The following PUM1 variants were observed in gnomAD, a reference collection of about 807,000 sequenced individuals.
PUM1 encodes the protein pumilio homolog 1.
PUM1 carries 13 observed loss-of-function variants against 131.8 expected under a neutral mutation model. The observed-to-expected ratio is 0.10, with a 90% CI of 0.06 to 0.16. The LOEUF (loss-of-function observed/expected upper bound fraction) is 0.16, where lower values mean the gene tolerates loss of function less well. Ranked by LOEUF, PUM1 falls within the 10% of genes least tolerant of loss-of-function variation. The pLI is 1.00. For missense variants in PUM1, 961 were observed against 1,512.4 expected (o/e 0.64, Z 6.05); for synonymous variants, 509 against 556.5 (o/e 0.91, Z 1.20).
In PUM1 at chr1:30,946,624, G is replaced by A. The variant is rs1253251734; in HGVS notation, c.2857-1141C>T. 4.0e-5 allele frequency among the ~76,000 whole-genome samples: 5 copies of A among 125,136 alleles called. No individual in the cohort carries two copies. In the South Asian group the frequency reaches 8.5e-4, roughly 21 times the overall value. 82.1% of individuals were successfully genotyped at this position (125,136 alleles called of 152,430 possible). On this transcript the variant is annotated intron_variant, in intron 17 of 21. Coordinates refer to ENST00000426105, the MANE Select transcript of PUM1 (RefSeq NM_001020658.2). ...TGCACTCCAGCCTGAGCGACAGAGC[G>A]AGACTCTGTCTCAAAAAAAAAAAAA... is the stretch of plus-strand genomic sequence containing the variant.
chr1:30,965,466 C>T (rs891125806), intron 13 of PUM1, among the ~76,000 whole-genome samples: 2 of 152,184 alleles, frequency 1.3e-5, no homozygotes, highest in African/African-American at 2.4e-5. Flanking sequence ...TCCCATTATT[C>T]ACCATACTAC....
At chr1:30,937,762 T>C (rs1279173705) in intron 20 of PUM1, among the ~76,000 whole-genome samples, 1 of 152,100 alleles carries the variant, frequency 6.6e-6, no homozygotes, top group African/African-American at 2.4e-5. Flanking sequence ...TTCAGACATT[T>C]ATTTTTTATT....
At chr1:31,049,070 T>G (rs1320018270) in intron 2 of PUM1, among the ~76,000 whole-genome samples, 1 of 151,280 alleles carries the variant, frequency 6.6e-6, no homozygotes, top group Admixed American at 6.6e-5. Flanking sequence ...GCTGGCATGA[T>G]GGCACATGCC....
intron 1 of PUM1, among the ~76,000 whole-genome samples, chr1:31,060,888 TAAA>T (rs879564618): frequency 2.2e-5 from 3 of 136,146 alleles, no homozygotes; most frequent in Non-Finnish European, 3.2e-5. Flanking sequence ...TCTGTTTCAG[TAAA>T]AAAAAAAAAA....
At chr1:30,974,927 T>C in intron 9 of PUM1, 125 bp from the exon 10 acceptor site, 1 of 668,894 alleles carries the variant, frequency 1.5e-6, no homozygotes, top group African/African-American at 1.8e-5. Context: ...TATATTAATT[T>C]ATGCTAGCTA....
chr1:31,042,173 G>A (rs1427674361), intron 2 of PUM1, among the ~76,000 whole-genome samples: 1 of 152,010 alleles, frequency 6.6e-6, no homozygotes, highest in African/African-American at 2.4e-5. Context: ...AAGCATGGTG[G>A]TGCATCCCTG....
intron 2 of PUM1, among the ~76,000 whole-genome samples, chr1:31,031,038 T>C (rs925682622): frequency 6.6e-6 from 1 of 152,202 alleles, no homozygotes; most frequent in Non-Finnish European, 1.5e-5. Flanking sequence ...GGAGCTATGA[T>C]CATTTTACAT....
At chr1:31,004,612 A>G (rs899959242) in intron 5 of PUM1, among the ~76,000 whole-genome samples, 1 of 152,214 alleles carries the variant, frequency 6.6e-6, no homozygotes, top group Non-Finnish European at 1.5e-5. Flanking sequence ...AACCTGACCT[A>G]GGTCTCTGCA....
In PUM1 at chr1:31,005,969, T is replaced by C; in HGVS notation, c.604A>G (p.Ser202Gly). 1.2e-6 allele frequency: 2 copies of C among 1,613,574 alleles called. No individual in the cohort carries two copies. The highest frequency in any genetic ancestry group is 2.2e-5 in the South Asian group (2 of 90,968). ...GGGGACAGTACAGAATTGACCTCAC[T>C]GTTCACATGGAAACTCTGACCAGGT... ...RRPGQSFHVN[S>G]EVNSVLSPRS... The change falls in exon 5 of 22, where the codon AGT (serine) becomes GGT (glycine). Residue 202 changes from serine to glycine, a missense_variant. Physicochemically the swap from Ser to Gly is moderately conservative, Grantham distance 56 (BLOSUM62 0). This residue lies in a region of PUM1 where 654 missense variants were observed against 923.9 expected (regional missense o/e 0.71). Coordinates refer to ENST00000426105, the MANE Select transcript of PUM1 (RefSeq NM_001020658.2).
chr1:31,000,187 G>A (rs1250814837), intron 5 of PUM1, among the ~76,000 whole-genome samples: 1 of 152,216 alleles, frequency 6.6e-6, no homozygotes, highest in Non-Finnish European at 1.5e-5. Flanking sequence ...GGCATGGTTT[G>A]TGATTTGCTT....
intron 3 of PUM1, among the ~76,000 whole-genome samples, chr1:31,022,424 C>A (rs1643062057): frequency 6.6e-6 from 1 of 152,202 alleles, no homozygotes; most frequent in South Asian, 2.1e-4. Context: ...TTCAAACATT[C>A]CAAGACAGCT....
At chr1:30,959,779 C>T (rs566188801) in intron 14 of PUM1, among the ~76,000 whole-genome samples, 16 of 151,758 alleles carry the variant, frequency 1.1e-4, no homozygotes, top group Non-Finnish European at 1.5e-4. Flanking sequence ...TGGTGGTGGG[C>T]GCCTATAGTC....
At chr1:31,005,714 T>C in intron 5 of PUM1, 139 bp downstream of exon 5, 1 of 789,642 alleles carries the variant, frequency 1.3e-6, no homozygotes. Flanking sequence ...CAACAAACGT[T>C]GTTTGAAAAT....
rs191338958 is a variant in PUM1, at chr1:30,953,388, T to A, written c.2591+326A>T. On this transcript the variant is annotated intron_variant, in intron 15 of 21. Coordinates refer to ENST00000426105, the MANE Select transcript of PUM1 (RefSeq NM_001020658.2). Reference sequence around the variant, plus strand: ...AATAGTTTCTTCTCTCGTCTCTACATAGACTGTCACTTCTACAGAGTGGAA... The same window carrying A: ...AATAGTTTCTTCTCTCGTCTCTACAAAGACTGTCACTTCTACAGAGTGGAA... 3.3e-5 allele frequency among the ~76,000 whole-genome samples: 5 copies of A among 152,314 alleles called. No individual in the cohort carries two copies. The East Asian group carries it at 9.6e-4, about 29-fold the overall frequency.
intron 2 of PUM1, among the ~76,000 whole-genome samples, chr1:31,031,267 T>G (rs1643419122): frequency 6.6e-6 from 1 of 152,170 alleles, no homozygotes; most frequent in Admixed American, 6.5e-5. Context: ...AATTATACAT[T>G]TAAATAGAGC....
chr1:30,938,081 TTTTTG>T (rs2124381346), intron 20 of PUM1, among the ~76,000 whole-genome samples: 1 of 152,268 alleles, frequency 6.6e-6, no homozygotes, highest in South Asian at 2.1e-4. Context: ...CCTATTTTTA[TTTTTG>T]TAGAGGCAGG....
chr1:30,959,060 T>C (rs1029114890), intron 14 of PUM1, among the ~76,000 whole-genome samples: 3 of 152,124 alleles, frequency 2.0e-5, no homozygotes, highest in Admixed American at 1.3e-4. Context: ...TCACAAATTA[T>C]CAAAACTGAC....
chr1:30,975,117 A>G (rs983388954), intron 9 of PUM1, among the ~76,000 whole-genome samples: 4 of 152,158 alleles, frequency 2.6e-5, no homozygotes, highest in African/African-American at 7.2e-5. Context: ...CATAGAGACA[A>G]TATCTGTTGG....
chr1:31,005,749 T>A, intron 5 of PUM1, 104 bp downstream of exon 5: 3 of 1,141,640 alleles, frequency 2.6e-6, no homozygotes, highest in Middle Eastern at 2.2e-4. Context: ...GCTGTGAACA[T>A]CTAAGGAAAC....
Sources: allele counts gnomAD v4.1 joint callset (sites outside exome capture counted in the v4.1 genomes callset), GRCh38; gene constraint gnomAD v4.1.1; regional missense constraint gnomAD v4.1.1; transcripts MANE v1.5; gene names NCBI Gene and HGNC (gene_info 2026-07-23, HGNC 2026-07-21).